The following RXFP2 variants were observed in gnomAD, a reference collection of about 807,000 sequenced individuals.
RXFP2 encodes relaxin family peptide receptor 2, also known as relaxin receptor 2.
A neutral mutation model predicts 88.6 loss-of-function variants in RXFP2; 68 were observed. The ratio of observed to expected loss-of-function variants is 0.77; its 90% CI spans 0.63 to 0.94. RXFP2 has a LOEUF of 0.94. RXFP2 is among the 40% of genes least tolerant of loss of function. RXFP2 has a pLI of 0.00. For synonymous variants in RXFP2, 329 were observed against 306.8 expected, an observed-to-expected ratio of 1.07 and a Z score of -0.76; for missense variants, 791 against 893.9, an observed-to-expected ratio of 0.88 and a Z score of 1.47.
chr13:31,745,176 A>AG (rs1336153380), intron 1 of RXFP2, among the ~76,000 whole-genome samples: 1 of 151,982 alleles, frequency 6.6e-6, no homozygotes, highest in Admixed American at 6.5e-5. Flanking sequence ...TCTAAAAAAA[A>AG]AAAAAGCTCT....
At chr13:31,785,092 A>T (rs988554281) in intron 11 of RXFP2, among the ~76,000 whole-genome samples, 1 of 152,148 alleles carries the variant, frequency 6.6e-6, no homozygotes, top group Non-Finnish European at 1.5e-5. Context: ...TGGGCCGAAG[A>T]ATCACATGGG....
Position 31,792,896 on chromosome 13 carries a change from C to T in RXFP2, c.1594C>T (p.Arg532Ter), listed in dbSNP as rs138951290. The change falls in exon 16 of 18, where the codon CGA (arginine) becomes TGA (stop). Residue 532 changes from arginine (R) to a stop codon, truncating the protein, a stop_gained. Transcript: ENST00000298386. LOFTEE classifies it high-confidence loss of function. The part of the protein sequence containing the change: ...LVIVFPFSNI[R>*]PGKRQTSVIL... ...CATTGTCTTCCCCTTCAGTAACATT[C>T]GACCTGGAAAACGGCAGACCTCAGT... The T allele has an allele frequency of 3.1e-6, 5 of 1,614,092 alleles. No individual in the cohort carries two copies. The highest frequency in any genetic ancestry group is 3.4e-6 in the Non-Finnish European group (4 of 1,180,020).
chr13:31,764,697 C>T (rs1195748520), intron 3 of RXFP2, among the ~76,000 whole-genome samples: 1 of 135,166 alleles, frequency 7.4e-6, no homozygotes, highest in African/African-American at 2.5e-5. Flanking sequence ...CAGTCATATC[C>T]ATTAAGAATT....
At chr13:31,776,051 TTTCTTTCTTC>T (rs1872930311) in intron 7 of RXFP2, among the ~76,000 whole-genome samples, 1 of 137,828 alleles carries the variant, frequency 7.3e-6, no homozygotes, top group African/African-American at 2.6e-5. Flanking sequence ...CTTTCTTTCC[TTTCTTTCTTC>T]TTCTTTCTTT....
intron 1 of RXFP2, among the ~76,000 whole-genome samples, chr13:31,748,462 T>G (rs1871516288): frequency 6.6e-6 from 1 of 152,200 alleles, no homozygotes; most frequent in Non-Finnish European, 1.5e-5. Context: ...TGGTTTTAAT[T>G]TGCATTTCTC....
At chr13:31,759,416 A>AGAAAGAAC (rs1555281712) in intron 2 of RXFP2, among the ~76,000 whole-genome samples, 3 of 151,140 alleles carry the variant, frequency 2.0e-5, no homozygotes, top group East Asian at 3.9e-4. Flanking sequence ...AAAGAAAGAA[A>AGAAAGAAC]GAAAGAAAGA....
chr13:31,794,596 G>A (rs1490405964), intron 16 of RXFP2, among the ~76,000 whole-genome samples: 1 of 152,120 alleles, frequency 6.6e-6, no homozygotes, highest in Admixed American at 6.5e-5. Context: ...TCAAGGAAGA[G>A]TACAGAATGT....
intron 1 of RXFP2, among the ~76,000 whole-genome samples, chr13:31,755,018 C>T (rs9548963): frequency 0.18 from 27,836 of 152,164 alleles, 2,494 homozygotes; most frequent in East Asian, 0.24. Context: ...CAGGCACTCT[C>T]ACCACTTCAT....
chr13:31,778,478 T>C (rs1339932456), intron 8 of RXFP2, 34 bp from the exon 9 acceptor site: 2 of 1,424,970 alleles, frequency 1.4e-6, no homozygotes, highest in Non-Finnish European at 2.0e-6. Context: ...TGTCATATCA[T>C]TTTATTTCTA....
intron 1 of RXFP2, among the ~76,000 whole-genome samples, chr13:31,748,783 G>A (rs374307170): frequency 7.4e-4 from 112 of 152,188 alleles, no homozygotes; most frequent in Middle Eastern, 6.8e-3. Flanking sequence ...TCAGGAGATC[G>A]AGACCTACCT....
intron 17 of RXFP2, among the ~76,000 whole-genome samples, chr13:31,800,147 G>A (rs1874264093): frequency 6.6e-6 from 1 of 152,188 alleles, no homozygotes; most frequent in South Asian, 2.1e-4. Flanking sequence ...CCATGGCGTT[G>A]TAAGAAATGC....
intron 16 of RXFP2, among the ~76,000 whole-genome samples, chr13:31,794,137 C>A (rs962354529): frequency 2.0e-5 from 3 of 152,084 alleles, no homozygotes; most frequent in Non-Finnish European, 4.4e-5. Context: ...CCATCATGCC[C>A]AGTTCTTCTC....
In RXFP2 at chr13:31,742,340, C is replaced by G. The variant is rs558387295; in HGVS notation, c.94+2634C>G. ...GCATGCCTGGCATGGTCCTTTCTTA[C>G]GGATGTCAGTTTCACTTGGCCACTC... On this transcript the variant is annotated intron_variant, in intron 1 of 17. Transcript: ENST00000298386. 1.2e-4 allele frequency among the ~76,000 whole-genome samples: 18 copies of G among 152,292 alleles called. No homozygotes were observed. In the South Asian group the frequency reaches 3.1e-3, roughly 26 times the overall value.
intron 1 of RXFP2, among the ~76,000 whole-genome samples, chr13:31,750,292 G>A (rs999416973): frequency 1.3e-5 from 2 of 151,856 alleles, no homozygotes; most frequent in South Asian, 2.1e-4. Flanking sequence ...TCTTTTCAAA[G>A]GAATACATTT....
chr13:31,775,700 A>C (rs1002493040), intron 7 of RXFP2, among the ~76,000 whole-genome samples: 2 of 152,226 alleles, frequency 1.3e-5, no homozygotes, highest in Non-Finnish European at 1.5e-5. Context: ...TTGGGAGGAA[A>C]AATTGACCTC....
intron 1 of RXFP2, among the ~76,000 whole-genome samples, chr13:31,746,636 T>C (rs1871430413): frequency 6.6e-6 from 1 of 152,212 alleles, no homozygotes; most frequent in Non-Finnish European, 1.5e-5. Flanking sequence ...TCACCTGGCT[T>C]TCTTTATCCA....
Position 31,802,286 on chromosome 13 carries a change from A to C in RXFP2, c.2146A>C (p.Lys716Gln). The change falls in exon 18 of 18, where the codon AAA (lysine) becomes CAA (glutamine). Residue 716 changes from lysine to glutamine, a missense_variant. Transcript: ENST00000298386. Reference sequence around the variant, plus strand: ...CAAACATCAGAGGAAATCAATTTTCAAAATTAAAAAAAAAAGTTTATCTAC... The same window carrying C: ...CAAACATCAGAGGAAATCAATTTTCCAAATTAAAAAAAAAAGTTTATCTAC... Reference protein sequence around the residue: ...LHKHQRKSIFKIKKKSLSTSI... With the variant: ...LHKHQRKSIFQIKKKSLSTSI... 6.2e-7 allele frequency: 1 copy of C among 1,613,830 alleles called. No homozygotes were observed. The highest frequency in any genetic ancestry group is 8.5e-7 in the Non-Finnish European group (1 of 1,179,884).
At chr13:31,753,992 G>A (rs949798017) in intron 1 of RXFP2, among the ~76,000 whole-genome samples, 1 of 152,178 alleles carries the variant, frequency 6.6e-6, no homozygotes, top group Admixed American at 6.5e-5. Flanking sequence ...TCTTCAGGAA[G>A]ATGCCACTCT....
chr13:31,781,710 T>C lies in RXFP2; in HGVS notation c.825T>C (p.Ser275=). The part of the protein sequence containing the change: ...EGNRIKYLTN[S]TFLSCDSLTV... ...ATAGAATAAAGTATCTCACAAATTC[T>C]ACGTTTCTGTCGTGCGATTCGCTCA... The change falls in exon 10 of 18, where the codon TCT becomes TCC. Residue 275 remains serine (S), a synonymous_variant. Coordinates refer to ENST00000298386, the MANE Select transcript of RXFP2 (RefSeq NM_130806.5). 6.2e-7 allele frequency: 1 copy of C among 1,612,974 alleles called. No individual in the cohort carries two copies. Among genetic ancestry groups the C allele is most frequent in the Non-Finnish European group, 8.5e-7 (1 of 1,179,178 alleles).
Sources: allele counts gnomAD v4.1 joint callset (sites outside exome capture counted in the v4.1 genomes callset), GRCh38; gene constraint gnomAD v4.1.1; transcripts MANE v1.5; gene names NCBI Gene and HGNC (gene_info 2026-07-23, HGNC 2026-07-21).